The following SPTLC1 variants were observed in gnomAD, a reference collection of about 807,000 sequenced individuals.
The protein encoded by SPTLC1 is serine palmitoyltransferase 1.
Under a neutral mutation model 68.9 loss-of-function variants are expected in SPTLC1, and 55 were observed. The ratio of observed to expected loss-of-function variants is 0.80; its 90% CI spans 0.64 to 1.00. The LOEUF is 1.00. Ranked by LOEUF, SPTLC1 falls within the 50% of genes least tolerant of loss-of-function variation. The probability of loss-of-function intolerance (pLI) is 0.00; values close to 1 mark genes in which losing one functional copy is unlikely to be tolerated. For synonymous variants in SPTLC1, 197 were observed against 201.6 expected, an observed-to-expected ratio of 0.98 and a Z score of 0.19; for missense variants, 449 against 573.1, an observed-to-expected ratio of 0.78 and a Z score of 2.21.
chr9:92,038,301 T>G lies in SPTLC1; in HGVS notation c.1201A>C (p.Ser401Arg). ...ACATCTTGCTCGCGAGACCCAGTGC[T>G]CTCTTCCAGTTGTAGGTGAAAGGCT... ...SPAFHLQLEE[S>R]TGSREQDVRL... Residue 401 changes from serine (S) to arginine (R), a missense_variant, in exon 13 of 15, where the codon AGC becomes CGC. Coordinates refer to ENST00000262554, the MANE Select transcript of SPTLC1 (RefSeq NM_006415.4). 1 of 1,614,150 alleles carries G rather than the reference T, an allele frequency of 6.2e-7. No individual in the cohort carries two copies. The highest frequency in any genetic ancestry group is 1.7e-5 in the Admixed American group (1 of 60,014).
chr9:92,094,365 T>C (rs7021408), intron 3 of SPTLC1, among the ~76,000 whole-genome samples: 16,376 of 152,274 alleles, frequency 0.11, 1,899 homozygotes, highest in African/African-American at 0.3. Context: ...TTTTAGTTTA[T>C]GCTTAATGCA....
intron 5 of SPTLC1, among the ~76,000 whole-genome samples, chr9:92,076,032 C>G (rs1834673034): frequency 6.6e-6 from 1 of 152,204 alleles, no homozygotes; most frequent in Admixed American, 6.5e-5. Flanking sequence ...TCTCACTCAT[C>G]TATCACTGAA....
chr9:92,081,874 C>G (rs928812112), intron 3 of SPTLC1, among the ~76,000 whole-genome samples: 5 of 152,144 alleles, frequency 3.3e-5, no homozygotes, highest in African/African-American at 2.4e-5. Context: ...CTCATTGATA[C>G]CTTTTAACAG....
At chr9:92,082,509 G>T (rs964806545) in intron 3 of SPTLC1, among the ~76,000 whole-genome samples, 2 of 149,782 alleles carry the variant, frequency 1.3e-5, no homozygotes, top group African/African-American at 4.9e-5. Flanking sequence ...TTGTCCTTGC[G>T]ATAGTTTACT....
intron 4 of SPTLC1, among the ~76,000 whole-genome samples, chr9:92,080,318 C>G (rs1834833652): frequency 6.6e-6 from 1 of 152,126 alleles, no homozygotes; most frequent in African/African-American, 2.4e-5. Flanking sequence ...CCAAGTCTTT[C>G]CTGGAAAATG....
chr9:92,048,996 T>C (rs969217425), intron 9 of SPTLC1, among the ~76,000 whole-genome samples: 1 of 152,214 alleles, frequency 6.6e-6, no homozygotes, highest in Non-Finnish European at 1.5e-5. Flanking sequence ...AAAATTTTCA[T>C]GCCTTAAAAA....
intron 3 of SPTLC1, among the ~76,000 whole-genome samples, chr9:92,098,911 AATAG>A (rs554720999): frequency 8.1e-4 from 124 of 152,330 alleles, no homozygotes; most frequent in African/African-American, 2.6e-3. Flanking sequence ...AAGTGAATCT[AATAG>A]ATAACTAACG....
intron 14 of SPTLC1, among the ~76,000 whole-genome samples, chr9:92,033,855 A>C (rs1432517727): frequency 1.3e-5 from 2 of 152,178 alleles, no homozygotes; most frequent in East Asian, 3.9e-4. Context: ...TGAAAAGGGC[A>C]GGCTCCTTAA....
chr9:92,082,060 C>T (rs750767334), intron 3 of SPTLC1, among the ~76,000 whole-genome samples: 6 of 152,224 alleles, frequency 3.9e-5, no homozygotes, highest in Admixed American at 2.6e-4. Flanking sequence ...TGGCTATTGA[C>T]GATTCAGAAG....
At chr9:92,106,316 A>G (rs532564498) in intron 3 of SPTLC1, among the ~76,000 whole-genome samples, 1 of 152,128 alleles carries the variant, frequency 6.6e-6, no homozygotes, top group Non-Finnish European at 1.5e-5. Flanking sequence ...TCTACTGAAA[A>G]TACAAAAATT....
chr9:92,032,103 C>A lies in SPTLC1; in HGVS notation c.*362G>T. On this transcript the variant is annotated 3_prime_UTR_variant, in exon 15 of 15. Transcript: ENST00000262554. The stretch of plus-strand genomic sequence containing the variant: ...TTAAGGAGTGCTTACTGAACCATTA[C>A]TATTAGAGGGAGGGAAGAGACACTG... 1.6e-6 allele frequency: 1 copy of A among 611,834 alleles called. No homozygotes were observed. The highest frequency in any genetic ancestry group is 2.2e-5 in the South Asian group (1 of 45,794). 37.9% of individuals were successfully genotyped at this position (611,834 alleles called of 1,614,324 possible). A position where few individuals can be genotyped will look rare whatever the true frequency, so the allele number is the denominator to read the frequency against.
chr9:92,078,658 T>A (rs1433566916), intron 5 of SPTLC1, among the ~76,000 whole-genome samples: 1 of 152,220 alleles, frequency 6.6e-6, no homozygotes, highest in Non-Finnish European at 1.5e-5. Context: ...TCTCACTACA[T>A]TGCCCAGGCT....
chr9:92,078,995 T>C, intron 5 of SPTLC1: 1 of 943,480 alleles, frequency 1.1e-6, no homozygotes, highest in Non-Finnish European at 1.3e-6. Context: ...TGGAAGATAT[T>C]TCCCTTGCTC....
At chr9:92,107,923 G>C (rs565655303) in intron 3 of SPTLC1, 2 of 152,242 alleles carry the variant, frequency 1.3e-5, no homozygotes, top group South Asian at 4.1e-4. Flanking sequence ...GTATTTTTAT[G>C]GCAACAGGCA....
At chr9:92,080,395 G>C (rs749265208) in intron 4 of SPTLC1, among the ~76,000 whole-genome samples, 1 of 152,182 alleles carries the variant, frequency 6.6e-6, no homozygotes, top group Non-Finnish European at 1.5e-5. Context: ...CTATTCTCTA[G>C]GTCTGGCCTG....
At chr9:92,089,513 T>C (rs187769615) in intron 3 of SPTLC1, among the ~76,000 whole-genome samples, 8 of 152,172 alleles carry the variant, frequency 5.3e-5, no homozygotes, top group East Asian at 1.9e-4. Context: ...ATCTAAAAGA[T>C]AGATTAAATA....
chr9:92,112,642 T>G, intron 1 of SPTLC1, 80 bp from the exon 2 acceptor site: 1 of 853,660 alleles, frequency 1.2e-6, no homozygotes, highest in East Asian at 2.4e-5. Flanking sequence ...CACCTGCATA[T>G]ACTGCCTCCT....
At chr9:92,090,080 A>G (rs1281189689) in intron 3 of SPTLC1, among the ~76,000 whole-genome samples, 1 of 152,238 alleles carries the variant, frequency 6.6e-6, no homozygotes, top group Admixed American at 6.5e-5. Flanking sequence ...TATATTTTAG[A>G]AAAAGAAATT....
intron 3 of SPTLC1, among the ~76,000 whole-genome samples, chr9:92,092,842 T>C (rs1171514303): frequency 6.6e-6 from 1 of 152,234 alleles, no homozygotes; most frequent in Non-Finnish European, 1.5e-5. Flanking sequence ...TTTTGAAAGT[T>C]TGCAGCAAGT....
Sources: gnomAD v4.1 joint callset for allele counts (sites outside exome capture counted in the v4.1 genomes callset) on GRCh38, gnomAD v4.1.1 for gene constraint, MANE v1.5 for transcripts, NCBI Gene and HGNC (gene_info 2026-07-23, HGNC 2026-07-21) for gene names.